CSMD3: variants seen among roughly 807,000 people sequenced by gnomAD.
CSMD3 encodes CUB and Sushi multiple domains 3, also known as CUB and sushi domain-containing protein 3.
In CSMD3, 177 loss-of-function variants were observed where a neutral mutation model predicts 435.2. The ratio of observed to expected loss-of-function variants is 0.41; its 90% confidence interval spans 0.36 to 0.46. The LOEUF is 0.46. CSMD3 is among the 20% of genes least tolerant of loss of function. The pLI, the probability that CSMD3 is intolerant of heterozygous loss-of-function variation, is 0.34. For synonymous variants in CSMD3, 1,656 were observed against 1,520.5 expected (o/e 1.09, Z -2.07); for missense variants, 4,265 against 4,504.6 (o/e 0.95, Z 1.52).
At chr8:113,102,732 G>T (rs964134070) in intron 4 of CSMD3, among the ~76,000 whole-genome samples, 3 of 152,078 alleles carry the variant, frequency 2.0e-5, no homozygotes, top group Non-Finnish European at 4.4e-5. Context: ...CAAGGTAATG[G>T]GCCTGTGTGC....
intron 1 of CSMD3, among the ~76,000 whole-genome samples, chr8:113,325,141 C>T (rs1053420293): frequency 2.6e-5 from 4 of 152,184 alleles, no homozygotes; most frequent in Non-Finnish European, 4.4e-5. Flanking sequence ...CTTTGGACTA[C>T]GGACTTCTGA....
At chr8:112,350,415 T>A (rs1665793530) in intron 40 of CSMD3, among the ~76,000 whole-genome samples, 1 of 152,034 alleles carries the variant, frequency 6.6e-6, no homozygotes, top group Admixed American at 6.6e-5. Flanking sequence ...AATACTTTAG[T>A]CAACCCCAGT....
intron 5 of CSMD3, among the ~76,000 whole-genome samples, chr8:113,077,223 T>G (rs2089378275): frequency 6.6e-6 from 1 of 152,078 alleles, no homozygotes; most frequent in Admixed American, 6.6e-5. Context: ...AAGTTACTAT[T>G]AGGAAAACTG....
At chr8:112,512,033 C>T (rs936195636) in intron 28 of CSMD3, among the ~76,000 whole-genome samples, 11 of 152,152 alleles carry the variant, frequency 7.2e-5, no homozygotes, top group Admixed American at 3.3e-4. Flanking sequence ...AGTTCTCCTG[C>T]TACTTCTACC....
At chr8:113,237,001 TATA>T (rs1452371132) in intron 3 of CSMD3, among the ~76,000 whole-genome samples, 3 of 152,048 alleles carry the variant, frequency 2.0e-5, no homozygotes, top group Non-Finnish European at 1.5e-5. Flanking sequence ...TAATAGAGAG[TATA>T]ATAACAGGCC....
chr8:112,851,229 G>A (rs535703907), intron 11 of CSMD3, among the ~76,000 whole-genome samples: 3 of 152,208 alleles, frequency 2.0e-5, no homozygotes, highest in South Asian at 2.1e-4. Flanking sequence ...TAGGGACAGC[G>A]TAACTTTGAT....
At chr8:112,802,361 T>C (rs1800665161) in intron 12 of CSMD3, among the ~76,000 whole-genome samples, 1 of 151,986 alleles carries the variant, frequency 6.6e-6, no homozygotes, top group South Asian at 2.1e-4. Context: ...TGTCTCTACT[T>C]TTCTGGGGAG....
chr8:112,290,096 G>C (rs1819614026), intron 56 of CSMD3, among the ~76,000 whole-genome samples: 1 of 152,048 alleles, frequency 6.6e-6, no homozygotes, highest in Non-Finnish European at 1.5e-5. Context: ...AAATTATGCT[G>C]TAAAAAGACA....
intron 17 of CSMD3, among the ~76,000 whole-genome samples, chr8:112,656,883 G>A (rs2075270343): frequency 6.6e-6 from 1 of 151,936 alleles, no homozygotes; most frequent in Non-Finnish European, 1.5e-5. Flanking sequence ...ACAGTTCTAA[G>A]TAGGTAGTAA....
chr8:112,583,737 C>A (rs1830505745), intron 23 of CSMD3, among the ~76,000 whole-genome samples: 1 of 151,738 alleles, frequency 6.6e-6, no homozygotes, highest in Non-Finnish European at 1.5e-5. Flanking sequence ...AACACATAAT[C>A]AGCCAAGGTT....
chr8:113,306,732 G>A (rs977371084), intron 2 of CSMD3, among the ~76,000 whole-genome samples: 3 of 152,056 alleles, frequency 2.0e-5, no homozygotes, highest in African/African-American at 7.2e-5. Flanking sequence ...TGGGGATGCT[G>A]CCAACATTTT....
chr8:112,528,668 C>A (rs983104878), intron 27 of CSMD3, among the ~76,000 whole-genome samples: 2 of 152,050 alleles, frequency 1.3e-5, no homozygotes, highest in South Asian at 2.1e-4. Context: ...TATGAGAAAT[C>A]CAGAAACTAA....
At chr8:112,721,842 T>C (rs746759038) in intron 13 of CSMD3, among the ~76,000 whole-genome samples, 36 of 152,160 alleles carry the variant, frequency 2.4e-4, no homozygotes, top group Non-Finnish European at 4.4e-4. Flanking sequence ...ATATTTGATG[T>C]GTGAGGTAAA....
At chr8:112,722,229 A>C (rs376524197) in intron 13 of CSMD3, among the ~76,000 whole-genome samples, 27 of 152,066 alleles carry the variant, frequency 1.8e-4, no homozygotes, top group African/African-American at 6.5e-4. Flanking sequence ...GTTCCAGAGG[A>C]AAAGATACCA....
At chr8:112,361,771 T>C (rs1444344422) in intron 38 of CSMD3, among the ~76,000 whole-genome samples, 4 of 151,288 alleles carry the variant, frequency 2.6e-5, no homozygotes, top group Admixed American at 1.3e-4. Flanking sequence ...TGACAACCTA[T>C]GTATCTATTT....
chr8:113,115,851 G>A (rs570103681), intron 4 of CSMD3, among the ~76,000 whole-genome samples: 20 of 152,234 alleles, frequency 1.3e-4, no homozygotes, highest in Admixed American at 7.8e-4. Flanking sequence ...TTAGGACAGG[G>A]GGCCCTTTTG....
chr8:113,121,455 G>A (rs79287674), intron 4 of CSMD3, among the ~76,000 whole-genome samples: 3,045 of 152,148 alleles, frequency 0.02, 98 homozygotes, highest in African/African-American at 0.07. Flanking sequence ...AGGTGATCAC[G>A]TAAAATCTTC....
chr8:112,733,272 C>T (rs2077114336), intron 13 of CSMD3, among the ~76,000 whole-genome samples: 1 of 152,026 alleles, frequency 6.6e-6, no homozygotes, highest in African/African-American at 2.4e-5. Flanking sequence ...AATTAAGCAT[C>T]ATATTGACAC....
At chr8:113,123,271 A>G (rs937605902) in intron 4 of CSMD3, among the ~76,000 whole-genome samples, 6 of 152,108 alleles carry the variant, frequency 3.9e-5, no homozygotes, top group Admixed American at 3.3e-4. Context: ...TCATTAATTA[A>G]TAAGCCAAAA....
Sources: gnomAD v4.1 joint callset for allele counts (sites outside exome capture counted in the v4.1 genomes callset) on GRCh38, gnomAD v4.1.1 for gene constraint, MANE v1.5 for transcripts, NCBI Gene and HGNC (gene_info 2026-07-23, HGNC 2026-07-21) for gene names.